SLCO3A1: variants seen among roughly 807,000 people sequenced by gnomAD.
SLCO3A1 encodes PGE1 transporter.
Under a neutral mutation model 63.1 loss-of-function variants are expected in SLCO3A1, and 27 were observed. The ratio of observed to expected loss-of-function variants is 0.43; its 90% confidence interval spans 0.32 to 0.59. The LOEUF is 0.59. SLCO3A1 is among the 20% of genes least tolerant of loss of function. The pLI is 0.09. For missense variants in SLCO3A1, 773 were observed against 945.8 expected, an observed-to-expected ratio of 0.82 and a Z score of 2.40; for synonymous variants, 473 against 409.9, an observed-to-expected ratio of 1.15 and a Z score of -1.86.
chr15:92,046,645 T>C (rs1053877865), intron 2 of SLCO3A1, among the ~76,000 whole-genome samples: 1 of 152,100 alleles, frequency 6.6e-6, no homozygotes, highest in African/African-American at 2.4e-5. Flanking sequence ...GCTGCAGTTT[T>C]GGTAGCCCCT....
chr15:92,007,254 G>T (rs1487122116), intron 2 of SLCO3A1, among the ~76,000 whole-genome samples: 1 of 152,230 alleles, frequency 6.6e-6, no homozygotes, highest in Non-Finnish European at 1.5e-5. Flanking sequence ...GTGGAACTTG[G>T]TTGGAGAACC....
Position 92,028,965 on chromosome 15 carries a change from GACCCA to G in SLCO3A1, c.647-65915_647-65911del, listed in dbSNP as rs2046612468. On this transcript the variant is annotated intron_variant, in intron 2 of 9. Transcript: ENST00000318445. ...TGTGTACGTACATGAGAAAACCCCTGACCCATGGTCAAACAACCCCCAAAACTGCC... is the reference window on the plus strand; with the variant it reads ...TGTGTACGTACATGAGAAAACCCCTGTGGTCAAACAACCCCCAAAACTGCC... Among the ~76,000 whole-genome samples, 10 of 128,690 alleles carry G rather than the reference GACCCA, an allele frequency of 7.8e-5. 1 individual carries two copies. In the South Asian group the frequency reaches 2.6e-3, roughly 33 times the overall value. The allele number at this position is 128,690 out of a possible 152,430, so 84.4% of individuals were successfully genotyped here.
intron 2 of SLCO3A1, among the ~76,000 whole-genome samples, chr15:91,975,288 G>C (rs888036214): frequency 6.6e-6 from 1 of 152,100 alleles, no homozygotes; most frequent in Non-Finnish European, 1.5e-5. Context: ...TCCTTTGCCT[G>C]GAGCTGGCAT....
rs752474246 is a variant in SLCO3A1, at chr15:92,146,698, TG to T, written c.1513-279del. Among the ~76,000 whole-genome samples the T allele has an allele frequency of 4.6e-5, 7 of 152,188 alleles. No homozygotes were observed. In the East Asian group the frequency reaches 5.8e-4, roughly 13 times the overall value. On this transcript the variant is annotated intron_variant, in intron 7 of 9. Transcript: ENST00000318445. Reference sequence around the variant, plus strand: ...AGCGCAATTTCCTCTCTAATTGTATTGGGGGGGACACATTTATCTGTGGTTC... The same window carrying T: ...AGCGCAATTTCCTCTCTAATTGTATTGGGGGGACACATTTATCTGTGGTTC...
At chr15:92,076,117 A>G (rs2047273088) in intron 2 of SLCO3A1, among the ~76,000 whole-genome samples, 1 of 152,232 alleles carries the variant, frequency 6.6e-6, no homozygotes, top group African/African-American at 2.4e-5. Context: ...CTGTCATGTC[A>G]GCAAGCGGCC....
chr15:91,951,665 C>T (rs752194198), intron 2 of SLCO3A1, among the ~76,000 whole-genome samples: 3 of 151,286 alleles, frequency 2.0e-5, no homozygotes, highest in Non-Finnish European at 4.4e-5. Flanking sequence ...AAGCAATTCT[C>T]CTACCTCCGC....
At chr15:91,965,157 T>A (rs1015098543) in intron 2 of SLCO3A1, among the ~76,000 whole-genome samples, 1 of 152,056 alleles carries the variant, frequency 6.6e-6, no homozygotes, top group Non-Finnish European at 1.5e-5. Flanking sequence ...ACATTAAAAT[T>A]GAGTGCCCTA....
At chr15:91,873,446 A>G (rs970608545) in intron 1 of SLCO3A1, among the ~76,000 whole-genome samples, 5 of 152,018 alleles carry the variant, frequency 3.3e-5, no homozygotes, top group African/African-American at 1.2e-4. Context: ...AAATTATAGT[A>G]CAGTGGACAC....
At chr15:92,011,146 T>C (rs1223854117) in intron 2 of SLCO3A1, among the ~76,000 whole-genome samples, 1 of 152,244 alleles carries the variant, frequency 6.6e-6, no homozygotes, top group Non-Finnish European at 1.5e-5. Context: ...CTTGGTCTTC[T>C]GGAATGCTCC....
intron 10 of SLCO3A1, chr15:92,171,335 C>T (rs2048520170): frequency 6.4e-6 from 1 of 155,078 alleles, no homozygotes. Flanking sequence ...AACAAACTGT[C>T]CCGAATGCTG....
chr15:91,904,564 T>G (rs991272179), intron 1 of SLCO3A1, among the ~76,000 whole-genome samples: 56 of 152,094 alleles, frequency 3.7e-4, no homozygotes, highest in African/African-American at 1.2e-3. Context: ...ATGAAGCCAG[T>G]GAGGGTGTTT....
intron 7 of SLCO3A1, among the ~76,000 whole-genome samples, chr15:92,137,571 C>A (rs2048075464): frequency 1.8e-5 from 2 of 108,436 alleles, no homozygotes; most frequent in South Asian, 5.2e-4. Flanking sequence ...AATGGTTGAA[C>A]TAGTTCACAG....
intron 2 of SLCO3A1, 150 bp from the exon 3 acceptor site, chr15:92,094,731 G>T: frequency 1.7e-6 from 1 of 579,854 alleles, no homozygotes; most frequent in Non-Finnish European, 3.1e-6. Context: ...CCAAAAATTA[G>T]AAATTCAGCC....
At chr15:92,170,881 G>C (rs1413953636), downstream of SLCO3A1, 2 of 152,228 alleles carry the variant, frequency 1.3e-5, no homozygotes, top group African/African-American at 4.8e-5. Context: ...ATGAACCCCA[G>C]CTCTCTCACT....
chr15:92,152,235 C>A (rs1293828911), intron 9 of SLCO3A1, among the ~76,000 whole-genome samples: 1 of 152,118 alleles, frequency 6.6e-6, no homozygotes, highest in African/African-American at 2.4e-5. Flanking sequence ...AAAATATTAA[C>A]CTTTAGATCC....
At chr15:92,125,922 C>T (rs1177543055) in intron 5 of SLCO3A1, 139 bp from the exon 6 acceptor site, 10 of 691,080 alleles carry the variant, frequency 1.4e-5, no homozygotes, top group Non-Finnish European at 2.3e-5. Flanking sequence ...CTGAAGACTC[C>T]AGGGTCCCAT....
chr15:92,079,605 T>C (rs1251666117), intron 2 of SLCO3A1, among the ~76,000 whole-genome samples: 5 of 152,238 alleles, frequency 3.3e-5, no homozygotes, highest in African/African-American at 1.2e-4. Flanking sequence ...TTAAAAGCCC[T>C]ATCTCTGAAC....
intron 2 of SLCO3A1, among the ~76,000 whole-genome samples, chr15:91,961,314 T>C (rs780114389): frequency 1.3e-5 from 2 of 152,246 alleles, no homozygotes; most frequent in Non-Finnish European, 2.9e-5. Context: ...GTTTGAACTT[T>C]TGAGGCTTTC....
At chr15:91,963,404 A>AG (rs1176735786) in intron 2 of SLCO3A1, among the ~76,000 whole-genome samples, 1 of 3,154 alleles carries the variant, frequency 3.2e-4, no homozygotes, top group Non-Finnish European at 6.5e-4. Context: ...TAACTCGGGG[A>AG]GGGTGGGGGG....
Sources: allele counts gnomAD v4.1 joint callset (sites outside exome capture counted in the v4.1 genomes callset), GRCh38; gene constraint gnomAD v4.1.1; transcripts MANE v1.5; gene names NCBI Gene and HGNC (gene_info 2026-07-23, HGNC 2026-07-21).